The following SEMA6D variants were observed in gnomAD, a reference collection of about 807,000 sequenced individuals.
The protein encoded by SEMA6D is semaphorin-6D.
In SEMA6D, 35 loss-of-function variants were observed where a neutral mutation model predicts 106.6. The ratio of observed to expected loss-of-function variants is 0.33; its 90% CI spans 0.25 to 0.44. The LOEUF (loss-of-function observed/expected upper bound fraction) is 0.44. Among genes scored for constraint, SEMA6D ranks in the 20% least tolerant of loss-of-function variants. The pLI, the probability that SEMA6D is intolerant of heterozygous loss-of-function variation, is 1.00. For missense variants in SEMA6D, 1,185 were observed against 1,345.9 expected, an observed-to-expected ratio of 0.88 and a Z score of 1.87; for synonymous variants, 499 against 487.7, an observed-to-expected ratio of 1.02 and a Z score of -0.31.
rs140012506 is a variant in SEMA6D, at chr15:47,463,997, T to C, written c.-158-6477T>C. ...TCCCTCTGCCTCTCTCTCATAAGGA[T>C]ACATACACATGATTGCCTTTAGGGC... On this transcript the variant is annotated intron_variant, in intron 2 of 19. Coordinates refer to the SEMA6D transcript ENST00000558014. 1.4e-3 allele frequency among the ~76,000 whole-genome samples: 216 copies of C among 152,242 alleles called. 1 individual carries two copies. Among genetic ancestry groups the C allele is most frequent in the African/African-American group, 4.9e-3 (205 of 41,562 alleles).
intron 3 of SEMA6D, among the ~76,000 whole-genome samples, chr15:47,498,597 CCT>C (rs1410136697): frequency 6.6e-6 from 1 of 152,008 alleles, no homozygotes; most frequent in African/African-American, 2.4e-5. Context: ...AAAGTGCCTG[CCT>C]CTGTTTTCAT....
chr15:47,287,397 A>G (rs1028185745), intron 1 of SEMA6D, among the ~76,000 whole-genome samples: 3 of 152,218 alleles, frequency 2.0e-5, no homozygotes, highest in African/African-American at 7.2e-5. Flanking sequence ...GCATTTATAA[A>G]ACCAATGCTA....
chr15:47,536,789 C>A (rs1052426237), intron 3 of SEMA6D, among the ~76,000 whole-genome samples: 12 of 152,058 alleles, frequency 7.9e-5, no homozygotes, highest in African/African-American at 2.7e-4. Flanking sequence ...TATTATTGTA[C>A]AAGGCAGAAG....
At chr15:47,732,813 C>G (rs1651604325) in intron 1 of SEMA6D, among the ~76,000 whole-genome samples, 2 of 152,128 alleles carry the variant, frequency 1.3e-5, no homozygotes, top group South Asian at 2.1e-4. Flanking sequence ...AGATATGACA[C>G]TGCAAGAAAA....
At chr15:47,758,297 A>G (rs1300763331) in intron 1 of SEMA6D, among the ~76,000 whole-genome samples, 1 of 152,182 alleles carries the variant, frequency 6.6e-6, no homozygotes, top group Non-Finnish European at 1.5e-5. Flanking sequence ...AAAAAGGTAC[A>G]GTAAACACCT....
intron 4 of SEMA6D, among the ~76,000 whole-genome samples, chr15:47,684,483 C>G (rs898381382): frequency 2.0e-5 from 3 of 152,002 alleles, no homozygotes; most frequent in African/African-American, 7.2e-5. Flanking sequence ...ACTCATTTTA[C>G]AATTCATATT....
chr15:47,491,767 G>C (rs932010084), intron 3 of SEMA6D, among the ~76,000 whole-genome samples: 1 of 152,140 alleles, frequency 6.6e-6, no homozygotes, highest in South Asian at 2.1e-4. Context: ...AAATGAGCTT[G>C]GTTAGTAGTT....
At chr15:47,755,988 G>A (rs1212382950) in intron 1 of SEMA6D, among the ~76,000 whole-genome samples, 3 of 151,838 alleles carry the variant, frequency 2.0e-5, no homozygotes, top group Non-Finnish European at 2.9e-5. Flanking sequence ...TGTCACTCAC[G>A]CCCTGGTTGT....
intron 4 of SEMA6D, among the ~76,000 whole-genome samples, chr15:47,704,842 A>C (rs936175376): frequency 6.6e-6 from 1 of 152,240 alleles, no homozygotes; most frequent in African/African-American, 2.4e-5. Context: ...CTTGTATTTT[A>C]CCAGTAAGAA....
At chr15:47,268,043 G>GAATA (rs1192161049) in intron 1 of SEMA6D, among the ~76,000 whole-genome samples, 5 of 152,068 alleles carry the variant, frequency 3.3e-5, no homozygotes, top group African/African-American at 1.2e-4. Flanking sequence ...AGCTTATTAG[G>GAATA]AATACAGAAT....
At chr15:47,488,445 A>G (rs978043544) in intron 3 of SEMA6D, among the ~76,000 whole-genome samples, 7 of 151,590 alleles carry the variant, frequency 4.6e-5, no homozygotes, top group Non-Finnish European at 8.8e-5. Flanking sequence ...AGATCTTTTC[A>G]TATCAAAGCA....
intron 4 of SEMA6D, among the ~76,000 whole-genome samples, chr15:47,699,867 T>C (rs2078774350): frequency 6.6e-6 from 1 of 152,216 alleles, no homozygotes; most frequent in South Asian, 2.1e-4. Flanking sequence ...TGATCATTTA[T>C]GCAGAAAATC....
chr15:47,713,571 A>G (rs929004584), upstream of SEMA6D, among the ~76,000 whole-genome samples: 39 of 152,336 alleles, frequency 2.6e-4, no homozygotes, highest in African/African-American at 8.7e-4. Context: ...AGCACTTTCT[A>G]TAATGTGCGA....
At chr15:47,508,450 A>T (rs887581704) in intron 3 of SEMA6D, among the ~76,000 whole-genome samples, 1 of 152,124 alleles carries the variant, frequency 6.6e-6, no homozygotes, top group Admixed American at 6.6e-5. Flanking sequence ...GGCCCCATGG[A>T]GTGGCGGATT....
At chr15:47,572,370 A>T (rs1211262358) in intron 3 of SEMA6D, among the ~76,000 whole-genome samples, 3 of 152,234 alleles carry the variant, frequency 2.0e-5, no homozygotes, top group Non-Finnish European at 4.4e-5. Context: ...GTAATATAAC[A>T]CAAATACAGA....
At chr15:47,217,995 T>A (rs772642279) in intron 1 of SEMA6D, among the ~76,000 whole-genome samples, 1 of 151,972 alleles carries the variant, frequency 6.6e-6, no homozygotes, top group Non-Finnish European at 1.5e-5. Context: ...TTAGTGGAAA[T>A]TTTGTTTTCT....
chr15:47,306,240 C>T (rs1307953369), intron 1 of SEMA6D, among the ~76,000 whole-genome samples: 1 of 152,018 alleles, frequency 6.6e-6, no homozygotes, highest in East Asian at 1.9e-4. Flanking sequence ...ACCTCGGCCT[C>T]CCAAATTGCT....
intron 1 of SEMA6D, among the ~76,000 whole-genome samples, chr15:47,323,119 T>G (rs2036989612): frequency 6.6e-6 from 1 of 152,138 alleles, no homozygotes; most frequent in Non-Finnish European, 1.5e-5. Context: ...TCTATGTAAG[T>G]GTTGTGGCTT....
At chr15:47,685,465 T>C (rs1051839394) in intron 4 of SEMA6D, among the ~76,000 whole-genome samples, 3 of 152,204 alleles carry the variant, frequency 2.0e-5, no homozygotes, top group African/African-American at 7.2e-5. Flanking sequence ...TCAAAGGCCA[T>C]GTGGAGACTC....
Sources: gnomAD v4.1 joint callset for allele counts (sites outside exome capture counted in the v4.1 genomes callset) on GRCh38, gnomAD v4.1.1 for gene constraint, MANE v1.5 for transcripts, NCBI Gene and HGNC (gene_info 2026-07-23, HGNC 2026-07-21) for gene names.